The following NKX6-3 variants were observed in gnomAD, a reference collection of about 807,000 sequenced individuals.
NKX6-3 encodes the protein homeobox protein Nkx-6.3.
In NKX6-3, 17 loss-of-function variants were observed where a neutral mutation model predicts 22.0. The observed-to-expected ratio is 0.77, with a 90% CI of 0.53 to 1.16. NKX6-3 has a LOEUF of 1.16. Among genes scored for constraint, NKX6-3 ranks in the 50% most tolerant of loss-of-function variants. The pLI, the probability that NKX6-3 is intolerant of heterozygous loss-of-function variation, is 0.00. For missense variants in NKX6-3, 363 were observed against 359.0 expected (o/e 1.01, Z -0.09); for synonymous variants, 177 against 167.2 (o/e 1.06, Z -0.45).
Position 41,646,048 on chromosome 8 carries a change from C to T in NKX6-3, c.*401G>A, listed in dbSNP as rs1563289062. The T allele has an allele frequency of 9.0e-6, 2 of 223,000 alleles. No homozygotes were observed. Among genetic ancestry groups the T allele is most frequent in the South Asian group, 1.8e-4 (2 of 11,350 alleles). The allele number at this position is 223,000 out of a possible 1,614,324, so 13.8% of individuals were successfully genotyped here. ...GTCCTGCCCACTCCCCCCGCCCCAA[C>T]AGCTGGATCACAGTGGCATGTCTGG... On this transcript the variant is annotated 3_prime_UTR_variant, in exon 3 of 3. Transcript: ENST00000518699.
rs1247071534 is a variant in NKX6-3 at position 41,647,312 on chromosome 8, C to A, written c.553-618G>T. 2.5e-6 allele frequency: 4 copies of A among 1,593,744 alleles called. No individual in the cohort carries two copies. The highest frequency in any genetic ancestry group is 3.5e-5 in the Admixed American group (2 of 57,306). ...TTGGAGCTCGGGGAGGCCCCAGGGCCCTGAGCAAAGCCTAGACCCAGGTGC... is the reference window on the plus strand; with the variant it reads ...TTGGAGCTCGGGGAGGCCCCAGGGCACTGAGCAAAGCCTAGACCCAGGTGC... On this transcript the variant is annotated intron_variant, in intron 2 of 2. Coordinates refer to ENST00000518699, the MANE Select transcript of NKX6-3 (RefSeq NM_001364841.2).
At chr8:41,648,007 G>T in intron 2 of NKX6-3, 59 bp downstream of exon 2, 2 of 1,442,444 alleles carry the variant, frequency 1.4e-6, no homozygotes, top group Non-Finnish European at 1.9e-6. Flanking sequence ...CAACGCAGTG[G>T]CCTCCTGTCC....
rs759654624 is a variant in NKX6-3, at chr8:41,646,608, C to T, written c.639G>A (p.Ala213=). Residue 213 remains alanine (A), a synonymous_variant, in exon 3 of 3, where the codon GCG becomes GCA. Coordinates refer to ENST00000518699, the MANE Select transcript of NKX6-3 (RefSeq NM_001364841.2). ...SSSTPRAPGG[A]GAGAGGDRAP... ...CGCGGTCCCCGCCTGCGCCTGCACC[C>T]GCGCCGCCCGGGGCCCGGGGCGTGG... The T allele has an allele frequency of 8.9e-6, 14 of 1,565,834 alleles. No homozygotes were observed. The highest frequency in any genetic ancestry group is 1.2e-5 in the Non-Finnish European group (14 of 1,156,192).
At chr8:41,647,394 G>C (rs747108317) in intron 2 of NKX6-3, 1 of 1,521,790 alleles carries the variant, frequency 6.6e-7, no homozygotes, top group South Asian at 1.3e-5. Flanking sequence ...CAGCATCAAA[G>C]TGGGGAAAGT....
rs770012275 is a variant in NKX6-3 at position 41,646,598 on chromosome 8, C to A, written c.649G>T (p.Ala217Ser). 4 of 1,570,524 alleles carry A rather than the reference C, an allele frequency of 2.5e-6. No individual in the cohort carries two copies. The highest frequency in any genetic ancestry group is 2.6e-6 in the Non-Finnish European group (3 of 1,158,836). Residue 217 changes from alanine (A) to serine (S), a missense_variant, in exon 3 of 3, where the codon GCA (alanine) becomes TCA (serine). By Grantham distance (99) the Ala-to-Ser change is moderately conservative (BLOSUM62 1). This residue lies in a region of NKX6-3 where 169 missense variants were observed against 155.8 expected (regional missense o/e 1.08). Transcript: ENST00000518699. ...PRAPGGAGAG[A>S]GGDRAPSENE... ...TCCGAGGGTGCGCGGTCCCCGCCTGCGCCTGCACCCGCGCCGCCCGGGGCC... is the reference window on the plus strand; with the variant it reads ...TCCGAGGGTGCGCGGTCCCCGCCTGAGCCTGCACCCGCGCCGCCCGGGGCC...
chr8:41,650,244 G>A lies in NKX6-3; in HGVS notation c.249C>T (p.Leu83=). The A allele has an allele frequency of 6.5e-7, 1 of 1,533,576 alleles. No homozygotes were observed. Among genetic ancestry groups the A allele is most frequent in the Non-Finnish European group, 8.7e-7 (1 of 1,145,696 alleles). 95.0% of individuals were successfully genotyped at this position (1,533,576 alleles called of 1,614,324 possible). Residue 83 remains leucine, a synonymous_variant, in exon 1 of 3, where the codon CTC becomes CTT. Transcript: ENST00000518699. ...GGCTGTAGTAGACCCCCTGCGAGCT[G>A]AGCCCCCCAAAGCCTGCCACGTGGG... ...GYPHVAGFGG[L]SSQGVYYSPQ...
rs1206637806 is a variant in NKX6-3 at position 41,646,662 on chromosome 8, C to T, written c.585G>A (p.Arg195=). The change falls in exon 3 of 3, where the codon CGG becomes CGA. Residue 195 remains arginine (R), a synonymous_variant. Coordinates refer to ENST00000518699, the MANE Select transcript of NKX6-3 (RefSeq NM_001364841.2). The stretch of plus-strand genomic sequence containing the variant: ...ACGAGGGCTCCAGGGCGCTCTTCTT[C>T]CGCCACTTGGTCCTGCGGTTCTGGA... ...VWFQNRRTKW[R]KKSALEPSSS... 27 of 1,545,102 alleles carry T rather than the reference C, an allele frequency of 1.7e-5. No homozygotes were observed. Among genetic ancestry groups the T allele is most frequent in the Non-Finnish European group, 2.4e-5 (27 of 1,146,636 alleles).
chr8:41,648,090 CAGTG>C lies in NKX6-3; in HGVS notation c.524_527del (p.Ser175TrpfsTer3). 3 of 1,535,948 alleles carry C rather than the reference CAGTG, an allele frequency of 2.0e-6. No individual in the cohort carries two copies. Among genetic ancestry groups the C allele is most frequent in the Non-Finnish European group, 2.6e-6 (3 of 1,146,544 alleles). On this transcript the variant is annotated frameshift_variant, in exon 2 of 3. Coordinates refer to ENST00000518699, the MANE Select transcript of NKX6-3 (RefSeq NM_001364841.2). LOFTEE classifies it high-confidence loss of function. ...CCTTGACCTGCGACTCGGTCATGCCCAGTGAGTATGCCAGCCGTGCCCTCTCGGG... is the reference window on the plus strand; with the variant it reads ...CCTTGACCTGCGACTCGGTCATGCCCAGTATGCCAGCCGTGCCCTCTCGGG...
At chr8:41,647,934 G>GGCAT in intron 2 of NKX6-3, 132 bp downstream of exon 2, 2 of 751,950 alleles carry the variant, frequency 2.7e-6, no homozygotes, top group South Asian at 4.1e-5. Flanking sequence ...TAGGCAGGCA[G>GGCAT]GCAGTGCCCA....
intron 2 of NKX6-3, chr8:41,647,443 G>T: frequency 1.6e-6 from 2 of 1,282,984 alleles, no homozygotes; most frequent in Non-Finnish European, 2.0e-6. Flanking sequence ...CGGTTTCCCC[G>T]GGTCTATTTA....
In NKX6-3 at chr8:41,646,427, T is replaced by C. The variant is rs1322845353; in HGVS notation, c.*22A>G. ...GTCCCCCCGCAGGCTGCAGCCAGGA[T>C]CCCGGGCCTGGACGGCGGGCGTCAG... On this transcript the variant is annotated 3_prime_UTR_variant, in exon 3 of 3. Coordinates refer to ENST00000518699, the MANE Select transcript of NKX6-3 (RefSeq NM_001364841.2). The C allele has an allele frequency of 6.3e-7, 1 of 1,575,824 alleles. No individual in the cohort carries two copies. The highest frequency in any genetic ancestry group is 8.6e-7 in the Non-Finnish European group (1 of 1,165,108).
intron 1 of NKX6-3, among the ~76,000 whole-genome samples, chr8:41,648,548 G>A (rs934466726): frequency 2.0e-5 from 3 of 152,204 alleles, no homozygotes; most frequent in Admixed American, 6.5e-5. Flanking sequence ...AGGGGCAACA[G>A]GAGTTCCCTC....
At chr8:41,648,765 C>G (rs539208520) in intron 1 of NKX6-3, among the ~76,000 whole-genome samples, 2 of 152,356 alleles carry the variant, frequency 1.3e-5, no homozygotes, top group South Asian at 4.1e-4. Flanking sequence ...GTGGCTTCAA[C>G]CACCCTGGAG....
At chr8:41,648,965 C>T (rs1804263008) in intron 1 of NKX6-3, among the ~76,000 whole-genome samples, 1 of 152,234 alleles carries the variant, frequency 6.6e-6, no homozygotes, top group African/African-American at 2.4e-5. Flanking sequence ...TCAAGTCTCT[C>T]TGCCTTTGCC....
intron 2 of NKX6-3, among the ~76,000 whole-genome samples, chr8:41,647,555 A>T (rs1804238018): frequency 6.6e-6 from 1 of 152,124 alleles, no homozygotes. Context: ...AGCCCATCTG[A>T]TCCTGCTTAG....
At chr8:41,650,074 G>A (rs947698040) in intron 1 of NKX6-3, 37 bp downstream of exon 1, 19 of 1,505,338 alleles carry the variant, frequency 1.3e-5, no homozygotes, top group Non-Finnish European at 1.5e-5. Flanking sequence ...GGGGCCTGGC[G>A]GGTGCCGGGA....
rs2150518324 is a variant in NKX6-3, at chr8:41,645,201, T to C, written c.*1248A>G. 6.6e-6 allele frequency: 1 copy of C among 152,370 alleles called. No homozygotes were observed. The highest frequency in any genetic ancestry group is 2.1e-4 in the South Asian group (1 of 4,826). The allele number at this position is 152,370 out of a possible 1,614,324, so 9.4% of individuals were successfully genotyped here. A position where few individuals can be genotyped will look rare whatever the true frequency, so the allele number is the denominator to read the frequency against. On this transcript the variant is annotated 3_prime_UTR_variant, in exon 3 of 3. Transcript: ENST00000518699. Reference sequence around the variant, plus strand: ...GTAAGGTTCATGGGACTTTTATTTTTACTGTTTATTTTTTGAAAGCCAGTG... The same window carrying C: ...GTAAGGTTCATGGGACTTTTATTTTCACTGTTTATTTTTTGAAAGCCAGTG...
chr8:41,646,428 C>A lies in NKX6-3; in HGVS notation c.*21G>T. The stretch of plus-strand genomic sequence containing the variant: ...TCCCCCCGCAGGCTGCAGCCAGGAT[C>A]CCGGGCCTGGACGGCGGGCGTCAGA... On this transcript the variant is annotated 3_prime_UTR_variant, in exon 3 of 3. Transcript: ENST00000518699. 1 of 1,576,720 alleles carries A rather than the reference C, an allele frequency of 6.3e-7. No homozygotes were observed. The highest frequency in any genetic ancestry group is 8.6e-7 in the Non-Finnish European group (1 of 1,165,512).
In NKX6-3 at chr8:41,646,812, C is replaced by T. The variant is rs145759671; in HGVS notation, c.553-118G>A. On this transcript the variant is annotated intron_variant, in intron 2 of 2. Coordinates refer to ENST00000518699, the MANE Select transcript of NKX6-3 (RefSeq NM_001364841.2). ...AACAACGGAGTGACTGTCACATTCA[C>T]GTTTCTGTTGGGGAAGGACAATAAA... 3.8e-5 allele frequency: 53 copies of T among 1,381,328 alleles called. No individual in the cohort carries two copies. The East Asian group carries it at 1.2e-3, about 32-fold the overall frequency. The allele number at this position is 1,381,328 out of a possible 1,614,324, so 85.6% of individuals were successfully genotyped here.
Sources: gnomAD v4.1 joint callset for allele counts (sites outside exome capture counted in the v4.1 genomes callset) on GRCh38, gnomAD v4.1.1 for gene constraint, gnomAD v4.1.1 regional missense constraint, MANE v1.5 for transcripts, NCBI Gene and HGNC (gene_info 2026-07-23, HGNC 2026-07-21) for gene names.